The following NEO1 variants were observed in gnomAD, a reference collection of about 807,000 sequenced individuals.
The protein encoded by NEO1 is neogenin 1.
NEO1 carries 63 observed loss-of-function variants against 159.7 expected under a neutral mutation model. The observed-to-expected ratio is 0.39, with a 90% CI of 0.32 to 0.49. The LOEUF (loss-of-function observed/expected upper bound fraction) is 0.49, where lower values mean the gene tolerates loss of function less well. Ranked by LOEUF, NEO1 falls within the 20% of genes least tolerant of loss-of-function variation. The probability of loss-of-function intolerance (pLI) is 0.85; values close to 1 mark genes in which losing one functional copy is unlikely to be tolerated. For synonymous variants in NEO1, 633 were observed against 662.0 expected (o/e 0.96, Z 0.67); for missense variants, 1,615 against 1,831.0 (o/e 0.88, Z 2.15).
intron 5 of NEO1, among the ~76,000 whole-genome samples, chr15:73,138,414 TACTC>T (rs2031997419): frequency 6.6e-6 from 1 of 152,178 alleles, no homozygotes; most frequent in African/African-American, 2.4e-5. Context: ...TTGGAATAAA[TACTC>T]AATAAAAGAT....
intron 1 of NEO1, among the ~76,000 whole-genome samples, chr15:73,055,442 A>G (rs889170889): frequency 6.6e-6 from 1 of 151,992 alleles, no homozygotes; most frequent in Non-Finnish European, 1.5e-5. Context: ...TACCTTTTTC[A>G]GCATTACTCT....
At chr15:73,131,709 C>CT (rs1443610025) in intron 4 of NEO1, among the ~76,000 whole-genome samples, 2 of 152,342 alleles carry the variant, frequency 1.3e-5, no homozygotes, top group East Asian at 3.9e-4. Flanking sequence ...CCACAGCACT[C>CT]TCAACCCCCT....
At chr15:73,080,515 A>T (rs2068987099) in intron 1 of NEO1, among the ~76,000 whole-genome samples, 1 of 134,730 alleles carries the variant, frequency 7.4e-6, no homozygotes, top group African/African-American at 2.5e-5. Context: ...AAATTGAAAA[A>T]TTTTTTTCCA....
rs114844430 is a variant in NEO1, at chr15:73,162,730, C to T, written c.1016-13673C>T. On this transcript the variant is annotated intron_variant, in intron 5 of 28. Coordinates refer to ENST00000261908, the MANE Select transcript of NEO1 (RefSeq NM_002499.4). Reference sequence around the variant, plus strand: ...AGTATTATTTTAATTGGACTGCCTTCGTAATTCATTGTCTCTGTGTCAACA... The same window carrying T: ...AGTATTATTTTAATTGGACTGCCTTTGTAATTCATTGTCTCTGTGTCAACA... 8.6e-3 allele frequency: 1,453 copies of T among 169,270 alleles called. 30 individuals carry two copies. The highest frequency in any genetic ancestry group is 0.033 in the African/African-American group (1,376 of 41,746). 10.5% of individuals were successfully genotyped at this position (169,270 alleles called of 1,614,324 possible).
chr15:73,253,495 G>C (rs1479138431), intron 12 of NEO1, 46 bp downstream of exon 12: 2 of 1,375,698 alleles, frequency 1.5e-6, no homozygotes, highest in South Asian at 2.9e-5. Flanking sequence ...GTATACTGTT[G>C]CGCCTCAGAG....
At chr15:73,201,954 C>CTTTTTTTTTTTTTTTTTTTTTTT (rs1206304409) in intron 7 of NEO1, among the ~76,000 whole-genome samples, 1 of 83,456 alleles carries the variant, frequency 1.2e-5, no homozygotes, top group Non-Finnish European at 2.2e-5. Flanking sequence ...CTATATCATT[C>CTTTTTTTTTTTTTTTTTTTTTTT]TTTTTTTTTT....
chr15:73,292,312 G>T (rs966506582), intron 25 of NEO1, among the ~76,000 whole-genome samples: 7 of 152,270 alleles, frequency 4.6e-5, no homozygotes, highest in Non-Finnish European at 8.8e-5. Flanking sequence ...ATTTCAATAG[G>T]CCACTAAGTG....
At chr15:73,266,231 T>C (rs529217620) in intron 15 of NEO1, 85 bp from the exon 16 acceptor site, 2 of 983,212 alleles carry the variant, frequency 2.0e-6, no homozygotes, top group African/African-American at 3.3e-5. Context: ...TGAATTCTTC[T>C]GTGGTTAAGA....
intron 7 of NEO1, among the ~76,000 whole-genome samples, chr15:73,190,517 A>C (rs2036182826): frequency 6.6e-6 from 1 of 152,184 alleles, no homozygotes; most frequent in African/African-American, 2.4e-5. Flanking sequence ...GTTTGTAAAA[A>C]ATTCCAAATA....
chr15:73,107,456 T>C (rs773015740), intron 1 of NEO1, among the ~76,000 whole-genome samples: 2 of 152,184 alleles, frequency 1.3e-5, no homozygotes, highest in Non-Finnish European at 2.9e-5. Context: ...GCAAAGGAGA[T>C]GTCCTGTTTA....
intron 22 of NEO1, among the ~76,000 whole-genome samples, chr15:73,280,553 C>A (rs2041647491): frequency 6.6e-6 from 1 of 152,162 alleles, no homozygotes; most frequent in Non-Finnish European, 1.5e-5. Flanking sequence ...GCCAAGTACC[C>A]AACCCTGTAG....
chr15:73,096,152 G>T (rs1267622102), intron 1 of NEO1, among the ~76,000 whole-genome samples: 1 of 152,102 alleles, frequency 6.6e-6, no homozygotes, highest in African/African-American at 2.4e-5. Flanking sequence ...ACATCCATTT[G>T]CAAGGAAAAA....
intron 4 of NEO1, among the ~76,000 whole-genome samples, chr15:73,128,245 T>C (rs1479995553): frequency 6.6e-6 from 1 of 152,062 alleles, no homozygotes; most frequent in Non-Finnish European, 1.5e-5. Context: ...ACTTCATTTT[T>C]TTTTTTTTTT....
intron 7 of NEO1, among the ~76,000 whole-genome samples, chr15:73,218,992 C>T (rs1469180459): frequency 6.6e-6 from 1 of 151,794 alleles, no homozygotes; most frequent in Non-Finnish European, 1.5e-5. Context: ...TCTTGCTTCT[C>T]TAGTTCTTTT....
At chr15:73,126,238 G>C (rs189717185) in intron 3 of NEO1, among the ~76,000 whole-genome samples, 179 bp from the exon 4 acceptor site, 137 of 152,164 alleles carry the variant, frequency 9.0e-4, no homozygotes, top group African/African-American at 3.1e-3. Flanking sequence ...GTGCTTTGTC[G>C]TGTGTGTATG....
intron 5 of NEO1, among the ~76,000 whole-genome samples, chr15:73,166,576 C>T (rs573766842): frequency 6.6e-6 from 1 of 152,204 alleles, no homozygotes; most frequent in South Asian, 2.1e-4. Context: ...AATCATAAGG[C>T]AATACATGGA....
At chr15:73,189,796 C>T (rs2036141334) in intron 7 of NEO1, among the ~76,000 whole-genome samples, 1 of 152,144 alleles carries the variant, frequency 6.6e-6, no homozygotes, top group Non-Finnish European at 1.5e-5. Flanking sequence ...ATATATAAAA[C>T]ATTTTTGCAT....
At chr15:73,055,520 A>G (rs1177273428) in intron 1 of NEO1, among the ~76,000 whole-genome samples, 1 of 151,940 alleles carries the variant, frequency 6.6e-6, no homozygotes, top group African/African-American at 2.4e-5. Flanking sequence ...GAACTCACTC[A>G]CTTAAATATT....
At chr15:73,155,943 A>G (rs1411476174) in intron 5 of NEO1, among the ~76,000 whole-genome samples, 4 of 152,274 alleles carry the variant, frequency 2.6e-5, no homozygotes, top group African/African-American at 9.6e-5. Flanking sequence ...CTTTATCTAG[A>G]AGTTCAAGGA....
Sources: allele counts gnomAD v4.1 joint callset (sites outside exome capture counted in the v4.1 genomes callset), GRCh38; gene constraint gnomAD v4.1.1; transcripts MANE v1.5; gene names NCBI Gene and HGNC (gene_info 2026-07-23, HGNC 2026-07-21).